CPEB3: variants seen among roughly 807,000 people sequenced by gnomAD.
CPEB3 encodes the protein cytoplasmic polyadenylation element binding protein 3.
In CPEB3, 20 loss-of-function variants were observed where a neutral mutation model predicts 67.2. The ratio of observed to expected loss-of-function variants is 0.30; its 90% confidence interval spans 0.21 to 0.43. The LOEUF (loss-of-function observed/expected upper bound fraction) is 0.43. Ranked by LOEUF, CPEB3 falls within the 20% of genes least tolerant of loss-of-function variation. The pLI is 1.00. For missense variants in CPEB3, 746 were observed against 968.6 expected (o/e 0.77, Z 3.05); for synonymous variants, 376 against 393.1 (o/e 0.96, Z 0.51).
intron 1 of CPEB3, among the ~76,000 whole-genome samples, chr10:92,279,048 G>A (rs1244118369): frequency 6.6e-6 from 1 of 150,470 alleles, no homozygotes; most frequent in Admixed American, 6.7e-5. Flanking sequence ...TTGACTAATT[G>A]ACCTGGCTAG....
At chr10:92,053,927 C>A (rs1842016697) in intron 9 of CPEB3, among the ~76,000 whole-genome samples, 1 of 152,048 alleles carries the variant, frequency 6.6e-6, no homozygotes, top group Admixed American at 6.6e-5. Context: ...CTCAGGTGAT[C>A]TGCCTGCCTC....
intron 1 of CPEB3, among the ~76,000 whole-genome samples, chr10:92,279,603 G>T (rs1456256539): frequency 1.3e-5 from 2 of 152,090 alleles, no homozygotes; most frequent in Non-Finnish European, 2.9e-5. Flanking sequence ...TTCTGTAAAG[G>T]CTTGAGATCA....
chr10:92,052,659 C>G (rs547530012), intron 9 of CPEB3, among the ~76,000 whole-genome samples: 1 of 152,318 alleles, frequency 6.6e-6, no homozygotes, highest in South Asian at 2.1e-4. Flanking sequence ...CTCTGTGCCT[C>G]TGTTTGCTCT....
chr10:92,210,444 C>G (rs1850022596), intron 2 of CPEB3, among the ~76,000 whole-genome samples: 1 of 152,124 alleles, frequency 6.6e-6, no homozygotes, highest in East Asian at 1.9e-4. Flanking sequence ...CAAATATATT[C>G]CATTCAACTA....
intron 6 of CPEB3, among the ~76,000 whole-genome samples, chr10:92,132,367 A>C (rs940428616): frequency 3.9e-5 from 6 of 152,208 alleles, no homozygotes; most frequent in Admixed American, 3.3e-4. Context: ...CTCCAATATA[A>C]ATTCCAGACC....
At chr10:92,142,024 A>G (rs571645933) in intron 6 of CPEB3, among the ~76,000 whole-genome samples, 1 of 150,238 alleles carries the variant, frequency 6.7e-6, no homozygotes, top group African/African-American at 2.5e-5. Flanking sequence ...TCTCAAAAAA[A>G]AAAACAAATA....
intron 7 of CPEB3, among the ~76,000 whole-genome samples, chr10:92,096,023 C>T (rs1789432774): frequency 7.0e-6 from 1 of 143,798 alleles, no homozygotes; most frequent in African/African-American, 2.6e-5. Context: ...TGTGCCACCA[C>T]ACCTGGCTGA....
At chr10:92,165,764 T>G (rs890260327) in intron 4 of CPEB3, among the ~76,000 whole-genome samples, 3 of 152,240 alleles carry the variant, frequency 2.0e-5, no homozygotes, top group African/African-American at 7.2e-5. Flanking sequence ...CCACTTTCTT[T>G]GCTTGTACAT....
At position 92,058,590 on chromosome 10, in the gene CPEB3, TAC is replaced by T. The variant is rs1491373792; in HGVS notation, c.1870-6153_1870-6152del. Among the ~76,000 whole-genome samples, 385 of 122,264 alleles carry T rather than the reference TAC, an allele frequency of 3.1e-3. 1 individual carries two copies. Among genetic ancestry groups the T allele is most frequent in the African/African-American group, 0.01 (364 of 36,098 alleles). The allele number at this position is 122,264 out of a possible 152,430, so 80.2% of individuals were successfully genotyped here. A position where few individuals can be genotyped will look rare whatever the true frequency, so the allele number is the denominator to read the frequency against. On this transcript the variant is annotated intron_variant, in intron 9 of 9. Transcript: ENST00000265997. ...ATACATACATACATACATACATACA[TAC>T]ATATATATATATATATAAATTAATT...
intron 2 of CPEB3, among the ~76,000 whole-genome samples, chr10:92,198,251 C>T (rs1033617524): frequency 6.6e-6 from 1 of 152,186 alleles, no homozygotes; most frequent in African/African-American, 2.4e-5. Context: ...GTACTGCTTC[C>T]TTGACTTCCT....
chr10:92,120,156 A>G (rs901877813), intron 6 of CPEB3, among the ~76,000 whole-genome samples: 2 of 150,520 alleles, frequency 1.3e-5, no homozygotes, highest in Admixed American at 1.3e-4. Context: ...CACACCTGTA[A>G]CCCTAGCACT....
At chr10:92,129,891 T>C (rs1845767324) in intron 6 of CPEB3, among the ~76,000 whole-genome samples, 1 of 151,588 alleles carries the variant, frequency 6.6e-6, no homozygotes, top group African/African-American at 2.4e-5. Context: ...AAAATAAAAA[T>C]AAAAAATAAG....
chr10:92,098,160 T>TAAAAAAAAAA (rs1166249584), intron 7 of CPEB3, among the ~76,000 whole-genome samples: 14 of 36,126 alleles, frequency 3.9e-4, no homozygotes, highest in African/African-American at 8.0e-4. Context: ...ACACTCTGCC[T>TAAAAAAAAAA]AAAAAAAAAA....
chr10:92,226,609 C>T (rs1324798902), intron 2 of CPEB3, among the ~76,000 whole-genome samples: 1 of 152,192 alleles, frequency 6.6e-6, no homozygotes, highest in Non-Finnish European at 1.5e-5. Flanking sequence ...AAGGTCCTTG[C>T]CCTTGTGGAG....
chr10:92,083,134 A>G (rs1843224647), intron 8 of CPEB3, among the ~76,000 whole-genome samples: 1 of 152,240 alleles, frequency 6.6e-6, no homozygotes, highest in African/African-American at 2.4e-5. Flanking sequence ...AGTTCTTTAC[A>G]TACCAGATTG....
At chr10:92,250,858 A>AGTTTTTTTTTT (rs1454105127) in intron 1 of CPEB3, among the ~76,000 whole-genome samples, 5 of 104,120 alleles carry the variant, frequency 4.8e-5, no homozygotes, top group Admixed American at 1.1e-4. Context: ...CACACAGTTA[A>AGTTTTTTTTTT]TTTTTTTTTT....
intron 4 of CPEB3, among the ~76,000 whole-genome samples, chr10:92,170,591 A>T (rs944586873): frequency 6.6e-6 from 1 of 152,198 alleles, no homozygotes; most frequent in Non-Finnish European, 1.5e-5. Flanking sequence ...GCACATTGCT[A>T]AATGAAACAA....
chr10:92,276,272 C>CT (rs1841981206), intron 1 of CPEB3, among the ~76,000 whole-genome samples: 1 of 134,460 alleles, frequency 7.4e-6, no homozygotes, highest in Non-Finnish European at 1.6e-5. Flanking sequence ...GCTTTTTTTT[C>CT]TTTTCTTTTT....
At chr10:92,132,749 T>C (rs568685122) in intron 6 of CPEB3, among the ~76,000 whole-genome samples, 5 of 152,196 alleles carry the variant, frequency 3.3e-5, no homozygotes, top group African/African-American at 9.6e-5. Context: ...CATTCCAAAA[T>C]TGACAACATA....
Sources: allele counts gnomAD v4.1 joint callset (sites outside exome capture counted in the v4.1 genomes callset), GRCh38; gene constraint gnomAD v4.1.1; transcripts MANE v1.5; gene names NCBI Gene and HGNC (gene_info 2026-07-23, HGNC 2026-07-21).